Variants in ZDHHC13 observed in about 807,000 individuals in gnomAD.
ZDHHC13 encodes the protein palmitoyltransferase ZDHHC13.
ZDHHC13 carries 85 observed loss-of-function variants against 86.0 expected under a neutral mutation model. The ratio of observed to expected loss-of-function variants is 0.99; its 90% CI spans 0.83 to 1.18. ZDHHC13 has a LOEUF of 1.18. Among genes scored for constraint, ZDHHC13 ranks in the 50% most tolerant of loss-of-function variants. The probability of loss-of-function intolerance (pLI) is 0.00; values close to 1 mark genes in which losing one functional copy is unlikely to be tolerated. For synonymous variants in ZDHHC13, 263 were observed against 246.4 expected, an observed-to-expected ratio of 1.07 and a Z score of -0.63; for missense variants, 711 against 730.2, an observed-to-expected ratio of 0.97 and a Z score of 0.30.
rs1486252774 is a variant in ZDHHC13, at chr11:19,152,544, C to T, written c.748-15C>T. ...TAAAAATACTTTTAAACTTTTTACC[C>T]TACTCTTTTTTAAGGGAGAAACACC... On this transcript the variant is annotated splice_polypyrimidine_tract_variant and intron_variant, in intron 7 of 16. Coordinates refer to ENST00000446113, the MANE Select transcript of ZDHHC13 (RefSeq NM_019028.3). 21 of 1,584,896 alleles carry T rather than the reference C, an allele frequency of 1.3e-5. No homozygotes were observed. The East Asian group carries it at 4.5e-4, about 34-fold the overall frequency.
chr11:19,124,493 G>A (rs1848828251), intron 1 of ZDHHC13, among the ~76,000 whole-genome samples: 1 of 151,740 alleles, frequency 6.6e-6, no homozygotes, highest in African/African-American at 2.4e-5. Flanking sequence ...ATCATTTTAT[G>A]GTTTTAAAAT....
chr11:19,129,959 G>A (rs1848956468), intron 1 of ZDHHC13, among the ~76,000 whole-genome samples: 2 of 152,094 alleles, frequency 1.3e-5, no homozygotes, highest in South Asian at 4.1e-4. Context: ...GTGGTGGCAC[G>A]CATCTGTAGT....
intron 11 of ZDHHC13, 42 bp downstream of exon 11, chr11:19,163,469 G>A (rs1565039939): frequency 6.5e-7 from 1 of 1,540,230 alleles, no homozygotes; most frequent in Non-Finnish European, 8.7e-7. Context: ...AGGAGGGTTT[G>A]TAAACTTTAG....
intron 14 of ZDHHC13, chr11:19,166,614 T>A: frequency 2.9e-6 from 1 of 345,278 alleles, no homozygotes; most frequent in African/African-American, 2.2e-5. Flanking sequence ...TGAAAAGTAG[T>A]CAAAAATAGA....
Position 19,165,137 on chromosome 11 carries a change from G to A in ZDHHC13, c.1382G>A (p.Arg461Gln), listed in dbSNP as rs762772709. The A allele has an allele frequency of 6.8e-6, 11 of 1,611,152 alleles. No homozygotes were observed. Among genetic ancestry groups the A allele is most frequent in the South Asian group, 3.3e-5 (3 of 90,352 alleles). ...RYDQHCLWTG[R>Q]CIGFGNHHYY... The stretch of plus-strand genomic sequence containing the variant: ...GATCAACACTGCCTGTGGACTGGAC[G>A]GTGCATAGGTGAGAGATTTAATTTT... Residue 461 changes from arginine to glutamine, a missense_variant, in exon 13 of 17, where the codon CGG becomes CAG. By Grantham distance (43) the Arg-to-Gln change is conservative. Transcript: ENST00000446113.
intron 14 of ZDHHC13, chr11:19,166,876 T>C (rs371033005): frequency 6.6e-6 from 1 of 152,620 alleles, no homozygotes; most frequent in Non-Finnish European, 1.5e-5. Flanking sequence ...AAATAGTAAC[T>C]TGGAAGAAAA....
chr11:19,160,687 A>T (rs1259374616), intron 10 of ZDHHC13, among the ~76,000 whole-genome samples: 1 of 151,968 alleles, frequency 6.6e-6, no homozygotes, highest in African/African-American at 2.4e-5. Context: ...GTTACAACCC[A>T]AGTAACCCCT....
chr11:19,163,558 G>T (rs1332621639), intron 11 of ZDHHC13, 131 bp downstream of exon 11: 1 of 951,118 alleles, frequency 1.1e-6, no homozygotes, highest in Non-Finnish European at 1.4e-6. Context: ...GCAAAAATTA[G>T]ATTTCCACTC....
intron 7 of ZDHHC13, 78 bp from the exon 8 acceptor site, chr11:19,152,481 C>T (rs1849639385): frequency 2.6e-5 from 38 of 1,468,664 alleles, no homozygotes; most frequent in Non-Finnish European, 3.4e-5. Flanking sequence ...GTCTATGATT[C>T]TGGTGTTTTT....
chr11:19,128,362 G>A (rs753736552), intron 1 of ZDHHC13, among the ~76,000 whole-genome samples: 4 of 152,072 alleles, frequency 2.6e-5, no homozygotes, highest in Non-Finnish European at 4.4e-5. Context: ...ATACTATAGG[G>A]TTTTCTAGAT....
At chr11:19,149,116 AAT>A in intron 4 of ZDHHC13, 69 bp from the exon 5 acceptor site, 1 of 1,298,064 alleles carries the variant, frequency 7.7e-7, no homozygotes, top group Non-Finnish European at 1.0e-6. Flanking sequence ...ATGTCTTAGG[AAT>A]ATCAGTCTCT....
In ZDHHC13 at chr11:19,172,781, A is replaced by G. The variant is rs1170272557; in HGVS notation, c.1691A>G (p.His564Arg). ...ATCAGCCTGCAGAAGCAGAGCAAGC[A>G]TATGAAACAGACGTTGTCCCTCAGG... ...ERISLQKQSK[H>R]MKQTLSLRKT... Residue 564 changes from histidine to arginine, a missense_variant, in exon 16 of 17, where the codon CAT (histidine) becomes CGT (arginine). Coordinates refer to ENST00000446113, the MANE Select transcript of ZDHHC13 (RefSeq NM_019028.3). 4.4e-6 allele frequency: 7 copies of G among 1,607,076 alleles called. No individual in the cohort carries two copies. The highest frequency in any genetic ancestry group is 2.2e-5 in the East Asian group (1 of 44,682).
chr11:19,143,642 A>T (rs917401936), intron 2 of ZDHHC13, among the ~76,000 whole-genome samples: 21 of 152,218 alleles, frequency 1.4e-4, no homozygotes, highest in African/African-American at 4.8e-4. Context: ...GGTAAGGTGG[A>T]AATATGTTCT....
At position 19,150,712 on chromosome 11, in the gene ZDHHC13, C is replaced by T. The variant is rs1430979175; in HGVS notation, c.520-15C>T. ...GTGTATTTACAGTTATGCTAATTGT[C>T]TTCTTTTTGAATAGAGTGTGAATAT... On this transcript the variant is annotated splice_polypyrimidine_tract_variant and intron_variant, in intron 5 of 16. Coordinates refer to ENST00000446113, the MANE Select transcript of ZDHHC13 (RefSeq NM_019028.3). 1 of 1,597,028 alleles carries T rather than the reference C, an allele frequency of 6.3e-7. No individual in the cohort carries two copies. The highest frequency in any genetic ancestry group is 1.7e-5 in the Admixed American group (1 of 59,852).
chr11:19,163,220 A>G, intron 10 of ZDHHC13, 83 bp from the exon 11 acceptor site: 1 of 1,421,042 alleles, frequency 7.0e-7, no homozygotes, highest in Admixed American at 2.5e-5. Context: ...TGAGATTCTT[A>G]GGTGCCAATG....
At chr11:19,145,286 A>C (rs1221416638) in intron 2 of ZDHHC13, among the ~76,000 whole-genome samples, 1 of 151,806 alleles carries the variant, frequency 6.6e-6, no homozygotes, top group African/African-American at 2.4e-5. Context: ...CTATTGCTTC[A>C]CTCTTACTTT....
intron 16 of ZDHHC13, among the ~76,000 whole-genome samples, chr11:19,175,377 G>T (rs1384809975): frequency 1.7e-5 from 1 of 57,332 alleles, no homozygotes; most frequent in Non-Finnish European, 3.8e-5. Flanking sequence ...GTGACAGAGC[G>T]AGACTCCGTC....
At chr11:19,134,856 T>TA (rs201536725) in intron 1 of ZDHHC13, among the ~76,000 whole-genome samples, 3,052 of 151,414 alleles carry the variant, frequency 0.02, 81 homozygotes, top group African/African-American at 0.069. Context: ...TAAAGCATAA[T>TA]AAAAAAAAAT....
At position 19,176,063 on chromosome 11, in the gene ZDHHC13, G is replaced by C; in HGVS notation, c.*103G>C. On this transcript the variant is annotated 3_prime_UTR_variant, in exon 17 of 17. Transcript: ENST00000446113. ...ATTTAGAATTCACCTAAGTCCAAAG[G>C]AAAACACGTGGTTTTTAAAGCCATT... 7.6e-7 allele frequency: 1 copy of C among 1,318,774 alleles called. No homozygotes were observed. The highest frequency in any genetic ancestry group is 1.0e-6 in the Non-Finnish European group (1 of 1,000,884). 81.7% of individuals were successfully genotyped at this position (1,318,774 alleles called of 1,614,324 possible). A position where few individuals can be genotyped will look rare whatever the true frequency, so the allele number is the denominator to read the frequency against.
Sources: gnomAD v4.1 joint callset for allele counts (sites outside exome capture counted in the v4.1 genomes callset) on GRCh38, gnomAD v4.1.1 for gene constraint, MANE v1.5 for transcripts, NCBI Gene and HGNC (gene_info 2026-07-23, HGNC 2026-07-21) for gene names.